Variants in GNAO1 observed in about 807,000 individuals in gnomAD.
The protein encoded by GNAO1 is G protein subunit alpha o1, also known as guanine nucleotide-binding protein G(o) subunit alpha.
For synonymous variants in GNAO1, 164 were observed against 180.7 expected (o/e 0.91, Z 0.74); for missense variants, 166 against 478.7 (o/e 0.35, Z 6.10).
chr16:56,328,825 G>A (rs776275776), intron 4 of GNAO1, 34 bp downstream of exon 4: 91 of 1,606,128 alleles, frequency 5.7e-5, no homozygotes, highest in Non-Finnish European at 6.9e-5. Flanking sequence ...GCCTGGAGCC[G>A]GGCAGTGATG....
rs150847445 is a variant in GNAO1, at chr16:56,336,560, A to C, written c.594-171A>C. On this transcript the variant is annotated intron_variant, in intron 5 of 8. Transcript: ENST00000262493. ...GGGGTAGTGCCTGGGGATGGCAGTG[A>C]TCCAGCTGTCTGTCATCACCTGGAG... 6.6e-4 allele frequency: 393 copies of C among 592,692 alleles called. 4 individuals are homozygous for C. The African/African-American group carries it at 6.7e-3, about 10-fold the overall frequency. The allele number at this position is 592,692 out of a possible 1,614,324, so 36.7% of individuals were successfully genotyped here.
intron 2 of GNAO1, among the ~76,000 whole-genome samples, chr16:56,195,996 G>A (rs768452801): frequency 2.0e-5 from 3 of 152,114 alleles, no homozygotes; most frequent in Non-Finnish European, 4.4e-5. Flanking sequence ...CAGAGATACT[G>A]ACATAAAGTT....
chr16:56,341,321 G>T (rs1357272768), intron 6 of GNAO1, among the ~76,000 whole-genome samples: 1 of 152,194 alleles, frequency 6.6e-6, no homozygotes, highest in African/African-American at 2.4e-5. Context: ...GGGCACAGAG[G>T]CTTGGAGTTA....
chr16:56,196,946 G>C (rs1231825426), intron 2 of GNAO1, among the ~76,000 whole-genome samples: 4 of 152,196 alleles, frequency 2.6e-5, no homozygotes, highest in African/African-American at 7.2e-5. Flanking sequence ...AAGGTCACCT[G>C]TCACCAAAAA....
intron 3 of GNAO1, among the ~76,000 whole-genome samples, chr16:56,319,071 G>T (rs2037544411): frequency 6.6e-6 from 1 of 152,282 alleles, no homozygotes; most frequent in African/African-American, 2.4e-5. Flanking sequence ...GAGGGAAGAG[G>T]CCTTTTATTA....
In GNAO1 at chr16:56,351,313, T is replaced by C. The variant is rs2037918797; in HGVS notation, c.724-71T>C. Reference sequence around the variant, plus strand: ...TCCCTCTCTGTCAAGCCTAATTCTCTCCTTCTCTTTCCCTGTCTCTGTGTC... The same window carrying C: ...TCCCTCTCTGTCAAGCCTAATTCTCCCCTTCTCTTTCCCTGTCTCTGTGTC... On this transcript the variant is annotated intron_variant, in intron 6 of 8. Transcript: ENST00000262493. This position sits in a 1 kb window ranked among gnomAD's most constrained non-coding sequence, Gnocchi z 6.1. 4 of 1,124,596 alleles carry C rather than the reference T, an allele frequency of 3.6e-6. No individual in the cohort carries two copies. The Admixed American group carries it at 7.7e-5, about 22-fold the overall frequency. 69.7% of individuals were successfully genotyped at this position (1,124,596 alleles called of 1,614,324 possible).
At chr16:56,322,729 C>G (rs1260694864) in intron 3 of GNAO1, among the ~76,000 whole-genome samples, 5 of 152,084 alleles carry the variant, frequency 3.3e-5, no homozygotes, top group Non-Finnish European at 7.4e-5. Flanking sequence ...AGTCCAGGCT[C>G]TCCTTACTGG....
intron 2 of GNAO1, among the ~76,000 whole-genome samples, chr16:56,217,966 G>A (rs1456584024): frequency 6.6e-6 from 1 of 152,234 alleles, no homozygotes; most frequent in Non-Finnish European, 1.5e-5. Context: ...TGCTGTGTAT[G>A]TTCCTAGGAG....
In GNAO1 at chr16:56,192,228, G is replaced by A. The variant is rs757827374; in HGVS notation, c.-8G>A. 2.6e-6 allele frequency: 4 copies of A among 1,511,984 alleles called. No individual in the cohort carries two copies. The highest frequency in any genetic ancestry group is 2.3e-5 in the South Asian group (2 of 86,002). The allele number at this position is 1,511,984 out of a possible 1,614,324, so 93.7% of individuals were successfully genotyped here. A position where few individuals can be genotyped will look rare whatever the true frequency, so the allele number is the denominator to read the frequency against. On this transcript the variant is annotated 5_prime_UTR_variant, in exon 1 of 9. Transcript: ENST00000262493. ...AGTCGTGCGGGCTGTGGCAGGGAAG[G>A]GGCCACCATGGGATGTACTCTGAGC...
chr16:56,355,646 G>A (rs2037961067), intron 8 of GNAO1: 1 of 152,236 alleles, frequency 6.6e-6, no homozygotes, highest in African/African-American at 2.4e-5. Context: ...TCGGGTGGTG[G>A]TGGTTGTTAA....
chr16:56,214,800 C>T (rs1308535461), intron 2 of GNAO1, among the ~76,000 whole-genome samples: 1 of 152,380 alleles, frequency 6.6e-6, no homozygotes, highest in South Asian at 2.1e-4. Flanking sequence ...TTCTTCCCAA[C>T]ACTTGCGTAC....
chr16:56,322,027 A>C (rs2037577142), intron 3 of GNAO1, among the ~76,000 whole-genome samples: 1 of 152,294 alleles, frequency 6.6e-6, no homozygotes, highest in East Asian at 1.9e-4. Flanking sequence ...GGTGGGGGCT[A>C]CTTTCTCTTA....
rs539329442 is a variant in GNAO1 at position 56,237,059 on chromosome 16, A to G, written c.162-38872A>G. ...AAAATTTTTGTGAGGATTAAGTGGAATGCTGTACATGAAGTACTTAGCACA... is the reference window on the plus strand; with the variant it reads ...AAAATTTTTGTGAGGATTAAGTGGAGTGCTGTACATGAAGTACTTAGCACA... On this transcript the variant is annotated intron_variant, in intron 2 of 8. Transcript: ENST00000262493. Among the ~76,000 whole-genome samples the G allele has an allele frequency of 5.3e-5, 8 of 152,362 alleles. No individual in the cohort carries two copies. In the South Asian group the frequency reaches 1.7e-3, roughly 32 times the overall value.
Position 56,356,681 on chromosome 16 carries a change from C to T in GNAO1, c.*607C>T, listed in dbSNP as rs2037971440. ...ACTGGCCAGTAGCTGCCAAAAAGAA[C>T]ACCCATCGTATAAGGAAATCCAGCC... On this transcript the variant is annotated 3_prime_UTR_variant, in exon 9 of 9. Coordinates refer to ENST00000262493, the MANE Select transcript of GNAO1 (RefSeq NM_020988.3). The T allele has an allele frequency of 6.5e-6, 1 of 152,770 alleles. No individual in the cohort carries two copies. Among genetic ancestry groups the T allele is most frequent in the African/African-American group, 2.4e-5 (1 of 41,450 alleles). The allele number at this position is 152,770 out of a possible 1,614,324, so 9.5% of individuals were successfully genotyped here.
rs550595620 is a variant in GNAO1, at chr16:56,315,944, A to G, written c.304-12687A>G. ...CATGGTGGCGGGCACCTGTAATCCC[A>G]GCTACTCGGGAGGCTGAGGCAGGAG... On this transcript the variant is annotated intron_variant, in intron 3 of 8. Coordinates refer to ENST00000262493, the MANE Select transcript of GNAO1 (RefSeq NM_020988.3). Among the ~76,000 whole-genome samples the G allele has an allele frequency of 4.6e-5, 7 of 152,146 alleles. No homozygotes were observed. In the South Asian group the frequency reaches 1.5e-3, roughly 32 times the overall value.
At chr16:56,205,997 G>T (rs1212586933) in intron 2 of GNAO1, among the ~76,000 whole-genome samples, 1 of 152,072 alleles carries the variant, frequency 6.6e-6, no homozygotes, top group African/African-American at 2.4e-5. Flanking sequence ...TAGACCACAG[G>T]GAGGGAAAAA....
intron 3 of GNAO1, among the ~76,000 whole-genome samples, chr16:56,306,116 C>T (rs1567476930): frequency 6.6e-6 from 1 of 152,192 alleles, no homozygotes; most frequent in African/African-American, 2.4e-5. Context: ...GAGCCCAGTT[C>T]CACTGCTTGC....
At chr16:56,223,596 C>T (rs1478472) in intron 2 of GNAO1, among the ~76,000 whole-genome samples, 21,221 of 152,086 alleles carry the variant, frequency 0.14, 1,961 homozygotes, top group African/African-American at 0.26. Context: ...CATTATTCTG[C>T]TCATCACAGT....
rs1220125693 is a variant in GNAO1, at chr16:56,311,946, C to A, written c.304-16685C>A. Among the ~76,000 whole-genome samples, 1 of 152,180 alleles carries A rather than the reference C, an allele frequency of 6.6e-6. No homozygotes were observed. The highest frequency in any genetic ancestry group is 2.4e-5 in the African/African-American group (1 of 41,444). On this transcript the variant is annotated intron_variant, in intron 3 of 8. Transcript: ENST00000262493. The surrounding 1 kb of genome is among the most constrained non-coding windows in gnomAD (Gnocchi z 5.2). ...ACTACCAGCATCAACACGGTAATGCCGGTTCCCCTGGGTGGGCACCAGCCA... is the reference window on the plus strand; with the variant it reads ...ACTACCAGCATCAACACGGTAATGCAGGTTCCCCTGGGTGGGCACCAGCCA...
Sources: allele counts gnomAD v4.1 joint callset (sites outside exome capture counted in the v4.1 genomes callset), GRCh38; gene constraint gnomAD v4.1.1; non-coding constraint Gnocchi (gnomAD v3.1); transcripts MANE v1.5; gene names NCBI Gene and HGNC (gene_info 2026-07-23, HGNC 2026-07-21).